MAN2B2: variants seen among roughly 807,000 people sequenced by gnomAD.
MAN2B2 encodes the protein mannosidase alpha class 2B member 2.
In MAN2B2, 106 loss-of-function variants were observed where a neutral mutation model predicts 117.1. The ratio of observed to expected loss-of-function variants is 0.90; its 90% CI spans 0.77 to 1.06. MAN2B2 has a LOEUF of 1.06. Among genes scored for constraint, MAN2B2 ranks in the 50% least tolerant of loss-of-function variants. The pLI, the probability that MAN2B2 is intolerant of heterozygous loss-of-function variation, is 0.00. For synonymous variants in MAN2B2, 544 were observed against 595.1 expected (o/e 0.91, Z 1.25); for missense variants, 1,326 against 1,381.4 (o/e 0.96, Z 0.64).
Position 6,587,591 on chromosome 4 carries a change from G to C in MAN2B2, c.564+423G>C, listed in dbSNP as rs538684209. 5.3e-5 allele frequency among the ~76,000 whole-genome samples: 8 copies of C among 152,324 alleles called. No homozygotes were observed. In the South Asian group the frequency reaches 1.4e-3, roughly 28 times the overall value. Reference sequence around the variant, plus strand: ...TGATTCTTCAGGTGTGAGGGCAACTGTTACAAGACTTAAGTAGCAACAACA... The same window carrying C: ...TGATTCTTCAGGTGTGAGGGCAACTCTTACAAGACTTAAGTAGCAACAACA... On this transcript the variant is annotated intron_variant, in intron 4 of 18. Transcript: ENST00000285599.
chr4:6,583,977 G>A (rs183740417), intron 3 of MAN2B2, among the ~76,000 whole-genome samples: 47 of 152,268 alleles, frequency 3.1e-4, no homozygotes, highest in African/African-American at 1.0e-3. Context: ...GTCAAACTCC[G>A]CCATTTTGTC....
chr4:6,577,158 G>C (rs929065569), intron 2 of MAN2B2, among the ~76,000 whole-genome samples: 1 of 152,150 alleles, frequency 6.6e-6, no homozygotes, highest in African/African-American at 2.4e-5. Flanking sequence ...TAGGCAGCAG[G>C]TTGCTTCATA....
chr4:6,619,841 G>A, intron 17 of MAN2B2, 86 bp from the exon 18 acceptor site: 2 of 1,210,080 alleles, frequency 1.7e-6, no homozygotes, highest in Non-Finnish European at 2.4e-6. Context: ...CGAGTTCGTG[G>A]TGTGTCTGCC....
At chr4:6,594,493 C>G (rs1376481998) in intron 6 of MAN2B2, 41 bp from the exon 7 acceptor site, 5 of 1,598,680 alleles carry the variant, frequency 3.1e-6, no homozygotes, top group Non-Finnish European at 4.3e-6. Flanking sequence ...GGCGAGCGCC[C>G]TGCTCCCACG....
rs763865691 is a variant in MAN2B2, at chr4:6,576,607, C to G, written c.168C>G (p.Val56=). ...QESMRAYAAN[V]YTSVVEELAR... The stretch of plus-strand genomic sequence containing the variant: ...GCATGCGGGCGTACGCCGCCAATGT[C>G]TACACCTCAGTGGTGGAAGAGCTGG... The change falls in exon 2 of 19, where the codon GTC becomes GTG. Residue 56 remains valine, a synonymous_variant. Transcript: ENST00000285599. 3 of 1,613,702 alleles carry G rather than the reference C, an allele frequency of 1.9e-6. No individual in the cohort carries two copies. Among genetic ancestry groups the G allele is most frequent in the Non-Finnish European group, 2.5e-6 (3 of 1,179,918 alleles).
chr4:6,587,758 T>G (rs1184325921), intron 4 of MAN2B2, among the ~76,000 whole-genome samples: 1 of 76,716 alleles, frequency 1.3e-5, no homozygotes, highest in African/African-American at 3.3e-5. Context: ...TTGTTTTTTT[T>G]TTTTTTTTTT....
rs374830475 is a variant in MAN2B2, at chr4:6,617,450, C to T, written c.2772C>T (p.Gly924=). ...LLRLYHLYEV[G]EDPVLSQPVT... ...GGCTCTACCACCTATATGAAGTGGG[C>T]GAGGACCCAGTCCTGTCTCAGCCAG... Residue 924 remains glycine (G), a synonymous_variant, in exon 17 of 19, where the codon GGC becomes GGT. Transcript: ENST00000285599. 78 of 1,613,974 alleles carry T rather than the reference C, an allele frequency of 4.8e-5. 1 individual carries two copies. In the Admixed American group the frequency reaches 7.0e-4, roughly 14 times the overall value.
intron 15 of MAN2B2, among the ~76,000 whole-genome samples, 166 bp from the exon 16 acceptor site, chr4:6,614,052 G>A (rs892504989): frequency 3.9e-5 from 6 of 152,144 alleles, no homozygotes; most frequent in Admixed American, 3.9e-4. Context: ...GGAGGCCTGG[G>A]GCATTGGGAG....
intron 3 of MAN2B2, among the ~76,000 whole-genome samples, chr4:6,579,147 CCACCAT>C (rs1560634551): frequency 1.1e-4 from 6 of 56,734 alleles, no homozygotes; most frequent in South Asian, 8.6e-4. Context: ...ACCATCACCA[CCACCAT>C]CACCATCACC....
intron 3 of MAN2B2, among the ~76,000 whole-genome samples, chr4:6,579,760 T>A (rs555665971): frequency 6.6e-6 from 1 of 152,222 alleles, no homozygotes; most frequent in African/African-American, 2.4e-5. Context: ...CATGACCATC[T>A]CCCTCACCAT....
intron 9 of MAN2B2, among the ~76,000 whole-genome samples, chr4:6,598,625 C>A (rs1419117904): frequency 6.6e-6 from 1 of 152,216 alleles, no homozygotes; most frequent in African/African-American, 2.4e-5. Context: ...AAATACCCTT[C>A]ATGCAGTATT....
At position 6,621,366 on chromosome 4, in the gene MAN2B2, T is replaced by C. The variant is rs2108763391; in HGVS notation, c.*81T>C. On this transcript the variant is annotated 3_prime_UTR_variant, in exon 19 of 19. Transcript: ENST00000285599. ...ACAGACCCAGGACAGGGAAAAGCAG[T>C]GCGGAGGGATGGGACTGGGGAGTCA... 8.7e-7 allele frequency: 1 copy of C among 1,151,374 alleles called. No homozygotes were observed. Among genetic ancestry groups the C allele is most frequent in the Non-Finnish European group, 1.3e-6 (1 of 792,674 alleles). The allele number at this position is 1,151,374 out of a possible 1,614,324, so 71.3% of individuals were successfully genotyped here. A position where few individuals can be genotyped will look rare whatever the true frequency, so the allele number is the denominator to read the frequency against.
At chr4:6,579,192 G>GCAC (rs1267829477) in intron 3 of MAN2B2, among the ~76,000 whole-genome samples, 2 of 5,156 alleles carry the variant, frequency 3.9e-4, no homozygotes, top group African/African-American at 1.1e-3. Flanking sequence ...ACCATCACCA[G>GCAC]CACCACCACC....
intron 10 of MAN2B2, 133 bp from the exon 11 acceptor site, chr4:6,604,922 C>A: frequency 1.8e-6 from 2 of 1,108,368 alleles, no homozygotes; most frequent in African/African-American, 1.6e-5. Flanking sequence ...AAAGCCAGAA[C>A]TGGGGGCAGG....
Position 6,611,227 on chromosome 4 carries a change from A to G in MAN2B2, c.2512A>G (p.Ser838Gly). The G allele has an allele frequency of 6.2e-7, 1 of 1,613,608 alleles. No individual in the cohort carries two copies. Among genetic ancestry groups the G allele is most frequent in the East Asian group, 2.2e-5 (1 of 44,868 alleles). The change falls in exon 15 of 19, where the codon AGC (serine) becomes GGC (glycine). Residue 838 changes from serine to glycine, a missense_variant. Coordinates refer to ENST00000285599, the MANE Select transcript of MAN2B2 (RefSeq NM_015274.3). ...WSLTTALRQRSALALQHRPVV... is the reference protein window; with the variant it reads ...WSLTTALRQRGALALQHRPVV... ...CCTCACCACTGCCCTGCGCCAGAGGAGCGCACTGGCGCTGCAGCACAGGCC... is the reference window on the plus strand; with the variant it reads ...CCTCACCACTGCCCTGCGCCAGAGGGGCGCACTGGCGCTGCAGCACAGGCC...
rs1377437253 is a variant in MAN2B2, at chr4:6,610,988, G to A, written c.2368G>A (p.Glu790Lys). The A allele has an allele frequency of 6.2e-7, 1 of 1,614,164 alleles. No homozygotes were observed. Among genetic ancestry groups the A allele is most frequent in the East Asian group, 2.2e-5 (1 of 44,886 alleles). ...CTCCAGCCAAGGGAATGGGCAGGTG[G>A]AGGTAGGAGGCACGGTCTGTCCTAC... ...GISSQGNGQV[E>K]VMLHRRLWNN... Residue 790 changes from glutamate (E) to lysine (K), a missense_variant and splice_region_variant, in exon 14 of 19, where the codon GAG becomes AAG. Transcript: ENST00000285599.
chr4:6,616,107 A>T (rs1002753642), intron 16 of MAN2B2, among the ~76,000 whole-genome samples: 18 of 150,908 alleles, frequency 1.2e-4, no homozygotes, highest in Admixed American at 1.3e-4. Flanking sequence ...CCCTGCCAAA[A>T]TTTTTTTTTT....
At chr4:6,600,076 C>T (rs1041682996) in intron 9 of MAN2B2, among the ~76,000 whole-genome samples, 14 of 152,200 alleles carry the variant, frequency 9.2e-5, no homozygotes, top group Non-Finnish European at 2.1e-4. Flanking sequence ...GTTCAGGGAT[C>T]CAGGAGTTCT....
rs145860855 is a variant in MAN2B2, at chr4:6,609,209, G to A, written c.1917G>A (p.Pro639=). Residue 639 remains proline, a synonymous_variant, in exon 12 of 19, where the codon CCG becomes CCA. Transcript: ENST00000285599. Reference sequence around the variant, plus strand: ...TTTCCGATAACTACCTGTTCACACCGGGCAAGGCCGCGGTGCCTGCGTGGG... The same window carrying A: ...TTTCCGATAACTACCTGTTCACACCAGGCAAGGCCGCGGTGCCTGCGTGGG... ...GPISDNYLFT[P]GKAAVPAWEA... is the part of the protein sequence containing the mutation. The A allele has an allele frequency of 1.3e-4, 211 of 1,614,198 alleles. No individual in the cohort carries two copies. Among genetic ancestry groups the A allele is most frequent in the Non-Finnish European group, 1.7e-4 (198 of 1,180,038 alleles).
Sources: gnomAD v4.1 joint callset for allele counts (sites outside exome capture counted in the v4.1 genomes callset) on GRCh38, gnomAD v4.1.1 for gene constraint, MANE v1.5 for transcripts, NCBI Gene and HGNC (gene_info 2026-07-23, HGNC 2026-07-21) for gene names.